The following TSPOAP1 variants were observed in gnomAD, a reference collection of about 807,000 sequenced individuals.
TSPOAP1 encodes peripheral-type benzodiazepine receptor-associated protein 1.
TSPOAP1 carries 87 observed loss-of-function variants against 197.0 expected under a neutral mutation model. The ratio of observed to expected loss-of-function variants is 0.44; its 90% CI spans 0.37 to 0.53. The LOEUF (loss-of-function observed/expected upper bound fraction) is 0.53, where lower values mean the gene tolerates loss of function less well. Among genes scored for constraint, TSPOAP1 ranks in the 20% least tolerant of loss-of-function variants. TSPOAP1 has a pLI of 0.00. For missense variants in TSPOAP1, 2,174 were observed against 2,411.3 expected, an observed-to-expected ratio of 0.90 and a Z score of 2.06; for synonymous variants, 913 against 998.9, an observed-to-expected ratio of 0.91 and a Z score of 1.62.
rs1445038111 is a variant in TSPOAP1, at chr17:58,326,839, C to A, written c.334-49G>T. The A allele has an allele frequency of 1.3e-6, 2 of 1,488,542 alleles. No individual in the cohort carries two copies. The highest frequency in any genetic ancestry group is 1.7e-5 in the Admixed American group (1 of 59,374). The allele number at this position is 1,488,542 out of a possible 1,614,324, so 92.2% of individuals were successfully genotyped here. A position where few individuals can be genotyped will look rare whatever the true frequency, so the allele number is the denominator to read the frequency against. ...CAGCACCTCAGAAACCCACGTCACC[C>A]AGCCAGAGCCTTCCCTGTGGAAGCA... is the stretch of plus-strand genomic sequence containing the variant. On this transcript the variant is annotated intron_variant, in intron 1 of 31. Coordinates refer to ENST00000343736, the MANE Select transcript of TSPOAP1 (RefSeq NM_004758.4). The surrounding 1 kb of genome is among the most constrained non-coding windows in gnomAD (Gnocchi z 4.7).
rs746428594 is a variant in TSPOAP1 at position 58,320,548 on chromosome 17, C to A, written c.1456G>T (p.Ala486Ser). The A allele has an allele frequency of 3.3e-6, 5 of 1,502,576 alleles. No individual in the cohort carries two copies. Among genetic ancestry groups the A allele is most frequent in the South Asian group, 2.8e-5 (2 of 72,726 alleles). The allele number at this position is 1,502,576 out of a possible 1,614,324, so 93.1% of individuals were successfully genotyped here. A position where few individuals can be genotyped will look rare whatever the true frequency, so the allele number is the denominator to read the frequency against. The change falls in exon 11 of 32, where the codon GCC becomes TCC. Residue 486 changes from alanine (A) to serine (S), a missense_variant. Ala to Ser is a moderately conservative substitution (Grantham distance 99). This residue lies in a region of TSPOAP1 where 1,933 missense variants were observed against 2,139.0 expected (regional missense o/e 0.90). Transcript: ENST00000343736. Reference sequence around the variant, plus strand: ...CGCCCTACCTCCAGCAGCTGCACGGCTCCTTCATGTTCCCTCTGGGCTTCA... The same window carrying A: ...CGCCCTACCTCCAGCAGCTGCACGGATCCTTCATGTTCCCTCTGGGCTTCA... The part of the protein sequence containing the change: ...QAEAQREHEG[A>S]VQLLESTLDS...
At chr17:58,311,460 C>T in intron 18 of TSPOAP1, 111 bp downstream of exon 18, 1 of 1,450,086 alleles carries the variant, frequency 6.9e-7, no homozygotes, top group Admixed American at 2.4e-5. Flanking sequence ...CCTCATGGTA[C>T]CCAAATGCCA....
chr17:58,305,870 G>T lies in TSPOAP1; in HGVS notation c.5225-5C>A. ...GGGCAGGGCCTTCCGACTCAGCTGT[G>T]GAAAGAATGTGCCTGTGAGCCCCCT... On this transcript the variant is annotated splice_polypyrimidine_tract_variant and splice_region_variant and intron_variant, in intron 26 of 31. Transcript: ENST00000343736. 3 of 1,612,304 alleles carry T rather than the reference G, an allele frequency of 1.9e-6. No homozygotes were observed. The highest frequency in any genetic ancestry group is 2.5e-6 in the Non-Finnish European group (3 of 1,179,702).
Position 58,309,012 on chromosome 17 carries a change from C to T in TSPOAP1, c.4260G>A (p.Arg1420=), listed in dbSNP as rs373746832. ...TGCAGTGTTCTCGGGGATCTGGAGG[C>T]CGCCTGCGGCTTGGGGGCTTCTCAG... is the stretch of plus-strand genomic sequence containing the variant. ...GSPEKPPSRR[R]PPDPREHCSR... is the part of the protein sequence containing the mutation. Residue 1420 remains arginine, a synonymous_variant, in exon 22 of 32, where the codon CGG becomes CGA. Coordinates refer to ENST00000343736, the MANE Select transcript of TSPOAP1 (RefSeq NM_004758.4). The surrounding 1 kb of genome is among the most constrained non-coding windows in gnomAD (Gnocchi z 5.0). 8.1e-6 allele frequency: 13 copies of T among 1,612,736 alleles called. No individual in the cohort carries two copies. The African/African-American group carries it at 1.1e-4, about 13-fold the overall frequency.
At chr17:58,323,638 C>A (rs1040836943) in intron 5 of TSPOAP1, 93 bp from the exon 6 acceptor site, 182 of 1,335,970 alleles carry the variant, frequency 1.4e-4, no homozygotes, top group Non-Finnish European at 1.8e-4. Context: ...GGTTCCCACC[C>A]CATCATTCAG....
chr17:58,309,935 T>C lies in TSPOAP1; in HGVS notation c.3891+32A>G. ...TGGGGAGGCCCCGGAGTTTGAGGCC[T>C]GGGGCCCAACAGCCCATCCCTACCC... On this transcript the variant is annotated intron_variant, in intron 21 of 31. Coordinates refer to ENST00000343736, the MANE Select transcript of TSPOAP1 (RefSeq NM_004758.4). The surrounding 1 kb of genome is among the most constrained non-coding windows in gnomAD (Gnocchi z 5.0). 1 of 1,579,138 alleles carries C rather than the reference T, an allele frequency of 6.3e-7. No individual in the cohort carries two copies. The highest frequency in any genetic ancestry group is 1.2e-5 in the South Asian group (1 of 85,370).
chr17:58,307,485 A>G (rs916436504), intron 24 of TSPOAP1, 126 bp downstream of exon 24: 12 of 1,295,666 alleles, frequency 9.3e-6, no homozygotes, highest in African/African-American at 1.5e-5. Flanking sequence ...GTCCAAACCC[A>G]TGTCATCTGC....
Position 58,322,678 on chromosome 17 carries a change from C to T in TSPOAP1, c.1293G>A (p.Leu431=). 1 of 1,611,252 alleles carries T rather than the reference C, an allele frequency of 6.2e-7. No individual in the cohort carries two copies. Among genetic ancestry groups the T allele is most frequent in the Non-Finnish European group, 8.5e-7 (1 of 1,179,914 alleles). ...LRKSQGLQSK[L]ESLEQVLKHM... ...CCTTCAGCACTTGCTCCAGGCTCTC[C>T]AGCTTGCTCTGCAGGCCCTGGCTCT... The change falls in exon 9 of 32, where the codon CTG becomes CTA. Residue 431 remains leucine, a synonymous_variant. Coordinates refer to ENST00000343736, the MANE Select transcript of TSPOAP1 (RefSeq NM_004758.4). The surrounding 1 kb of genome is among the most constrained non-coding windows in gnomAD (Gnocchi z 5.0).
chr17:58,327,387 C>A (rs1343198757), intron 1 of TSPOAP1, among the ~76,000 whole-genome samples: 1 of 152,146 alleles, frequency 6.6e-6, no homozygotes, highest in South Asian at 2.1e-4. Flanking sequence ...GAAGGACAGA[C>A]AAATGACGAA....
rs1218905375 is a variant in TSPOAP1 at position 58,301,371 on chromosome 17, C to G, written c.*1109G>C. On this transcript the variant is annotated 3_prime_UTR_variant, in exon 32 of 32. Transcript: ENST00000343736. ...ACAGCAAAGGAAACATGCAAAGACACACTCACCCCTCAGAGGGTGGGGGAT... is the reference window on the plus strand; with the variant it reads ...ACAGCAAAGGAAACATGCAAAGACAGACTCACCCCTCAGAGGGTGGGGGAT... 6.6e-6 allele frequency: 1 copy of G among 152,654 alleles called. No individual in the cohort carries two copies. Among genetic ancestry groups the G allele is most frequent in the Non-Finnish European group, 1.5e-5 (1 of 68,076 alleles). The allele number at this position is 152,654 out of a possible 1,614,324, so 9.5% of individuals were successfully genotyped here.
intron 10 of TSPOAP1, among the ~76,000 whole-genome samples, chr17:58,321,716 C>T (rs1332218991): frequency 2.0e-5 from 3 of 152,204 alleles, no homozygotes; most frequent in Admixed American, 6.5e-5. Flanking sequence ...CCGCCCAGGC[C>T]CTGCTCCACG....
chr17:58,323,037 T>C lies in TSPOAP1; in HGVS notation c.1107A>G (p.Glu369=). ...CATTCTGCGCTTGTCTCAGCTGCAGTTCCTGAGCGGGCAGAGGAGCTCTCA... is the reference window on the plus strand; with the variant it reads ...CATTCTGCGCTTGTCTCAGCTGCAGCTCCTGAGCGGGCAGAGGAGCTCTCA... ...RKKQRRCEEL[E]LQLRQAQNEN... Residue 369 remains glutamate (E), a splice_region_variant and synonymous_variant, in exon 8 of 32, where the codon GAA becomes GAG. Transcript: ENST00000343736. 1 of 1,607,132 alleles carries C rather than the reference T, an allele frequency of 6.2e-7. No individual in the cohort carries two copies. Among genetic ancestry groups the C allele is most frequent in the Non-Finnish European group, 8.5e-7 (1 of 1,176,920 alleles).
rs1296315944 is a variant in TSPOAP1, at chr17:58,306,981, C to T, written c.4984-13G>A. 1 of 1,609,820 alleles carries T rather than the reference C, an allele frequency of 6.2e-7. No homozygotes were observed. The highest frequency in any genetic ancestry group is 8.5e-7 in the Non-Finnish European group (1 of 1,179,104). On this transcript the variant is annotated splice_polypyrimidine_tract_variant and intron_variant, in intron 24 of 31. Coordinates refer to ENST00000343736, the MANE Select transcript of TSPOAP1 (RefSeq NM_004758.4). ...TGTCCCCAAACACCTGGAGGCAAAA[C>T]CAGTGGTCTCAGCCAGTTCTGCTCA... is the stretch of plus-strand genomic sequence containing the variant.
Position 58,310,894 on chromosome 17 carries a change from C to T in TSPOAP1, c.3401G>A (p.Ser1134Asn), listed in dbSNP as rs1262602614. Residue 1134 changes from serine (S) to asparagine (N), a missense_variant, in exon 19 of 32, where the codon AGC becomes AAC. This residue lies in a region of TSPOAP1 where 1,933 missense variants were observed against 2,139.0 expected (regional missense o/e 0.90). Transcript: ENST00000343736. ...CCCTTTTGCCATCTCTCTGGAAGGG[C>T]TTGCAGGGGGTGCTCCTGGAGGCTC... ...TQEPPGAPPASPSREMAKGSH... is the reference protein window; with the variant it reads ...TQEPPGAPPANPSREMAKGSH... 13 of 1,544,368 alleles carry T rather than the reference C, an allele frequency of 8.4e-6. No homozygotes were observed. Among genetic ancestry groups the T allele is most frequent in the Non-Finnish European group, 1.1e-5 (13 of 1,150,466 alleles).
Position 58,305,524 on chromosome 17 carries a change from A to G in TSPOAP1, c.5361+16T>C, listed in dbSNP as rs772862679. On this transcript the variant is annotated intron_variant, in intron 28 of 31. Transcript: ENST00000343736. ...CTGCCACCGCCCTTTGCTGGGCTCT[A>G]TCTGAGGGTCCTCACCTCCACGTCC... 2.7e-5 allele frequency: 44 copies of G among 1,610,490 alleles called. No individual in the cohort carries two copies. The highest frequency in any genetic ancestry group is 3.6e-5 in the Non-Finnish European group (42 of 1,177,922).
intron 29 of TSPOAP1, 58 bp from the exon 30 acceptor site, chr17:58,305,229 C>G: frequency 6.7e-7 from 1 of 1,501,178 alleles, no homozygotes; most frequent in East Asian, 2.3e-5. Flanking sequence ...CCCTGCCCCT[C>G]GACTCTGATG....
At position 58,328,380 on chromosome 17, in the gene TSPOAP1, T is replaced by TTGTG. The variant is rs150813325; in HGVS notation, c.-464_-461dup. ...TGCCCATTTCAGAGTTGCCAGTTGT[T>TTGTG]TGTGTGTGTGTGTGTGGGTGTCTGT... On this transcript the variant is annotated 5_prime_UTR_variant, in exon 1 of 32. Transcript: ENST00000343736. This position sits in a 1 kb window ranked among gnomAD's most constrained non-coding sequence, Gnocchi z 4.3. 5.0e-6 allele frequency: 1 copy of TTGTG among 200,080 alleles called. No individual in the cohort carries two copies. Among genetic ancestry groups the TTGTG allele is most frequent in the Non-Finnish European group, 1.1e-5 (1 of 95,186 alleles). 12.4% of individuals were successfully genotyped at this position (200,080 alleles called of 1,614,324 possible). A position where few individuals can be genotyped will look rare whatever the true frequency, so the allele number is the denominator to read the frequency against.
chr17:58,303,815 C>T (rs1970789045), intron 31 of TSPOAP1: 2 of 152,530 alleles, frequency 1.3e-5, no homozygotes, highest in Admixed American at 1.3e-4. Flanking sequence ...CTGGCCAAAC[C>T]TCCCCTTTTA....
Position 58,304,522 on chromosome 17 carries a change from G to T in TSPOAP1, c.5545-123C>A. ...CTCCAAGGCCTTTGTGTTCACACAT[G>T]GAAGCCCTGAGTTTTCTGGCTGGGG... On this transcript the variant is annotated intron_variant, in intron 30 of 31. Transcript: ENST00000343736. This position sits in a 1 kb window ranked among gnomAD's most constrained non-coding sequence, Gnocchi z 4.2. The T allele has an allele frequency of 1.3e-6, 1 of 776,532 alleles. No homozygotes were observed. Among genetic ancestry groups the T allele is most frequent in the Non-Finnish European group, 2.3e-6 (1 of 438,990 alleles). 48.1% of individuals were successfully genotyped at this position (776,532 alleles called of 1,614,324 possible). A position where few individuals can be genotyped will look rare whatever the true frequency, so the allele number is the denominator to read the frequency against.
Sources: gnomAD v4.1 joint callset for allele counts (sites outside exome capture counted in the v4.1 genomes callset) on GRCh38, gnomAD v4.1.1 for gene constraint, gnomAD v4.1.1 regional missense constraint, Gnocchi (gnomAD v3.1) non-coding constraint, MANE v1.5 for transcripts, NCBI Gene and HGNC (gene_info 2026-07-23, HGNC 2026-07-21) for gene names.